The following TNFRSF10D variants were observed in gnomAD, a reference collection of about 807,000 sequenced individuals.
The protein encoded by TNFRSF10D is TNF receptor superfamily member 10d, also known as tumor necrosis factor receptor superfamily member 10D.
A neutral mutation model predicts 42.1 loss-of-function variants in TNFRSF10D; 28 were observed. That is an observed-to-expected ratio of 0.66 (90% confidence interval 0.49 to 0.91). The LOEUF (loss-of-function observed/expected upper bound fraction) is 0.91. TNFRSF10D is among the 40% of genes least tolerant of loss of function. The pLI is 0.00. For synonymous variants in TNFRSF10D, 186 were observed against 189.4 expected (o/e 0.98, Z 0.15); for missense variants, 503 against 486.1 (o/e 1.03, Z -0.33).
intron 2 of TNFRSF10D, among the ~76,000 whole-genome samples, chr8:23,149,756 C>A (rs1372713288): frequency 5.6e-3 from 851 of 151,958 alleles, no homozygotes; most frequent in African/African-American, 0.017. Context: ...CTCTGCACAA[C>A]TATCCCTGTC....
At chr8:23,153,843 T>C (rs1800239025) in intron 2 of TNFRSF10D, among the ~76,000 whole-genome samples, 1 of 152,156 alleles carries the variant, frequency 6.6e-6, no homozygotes, top group Non-Finnish European at 1.5e-5. Context: ...ATAGAATAAC[T>C]ATATGATCCA....
chr8:23,158,655 T>C (rs1800314028), intron 1 of TNFRSF10D, among the ~76,000 whole-genome samples: 1 of 152,260 alleles, frequency 6.6e-6, no homozygotes, highest in Admixed American at 6.5e-5. Context: ...CTGCACATTT[T>C]AATGTTAATT....
chr8:23,146,819 C>T (rs1011445170), intron 4 of TNFRSF10D, 142 bp downstream of exon 4: 9 of 680,596 alleles, frequency 1.3e-5, no homozygotes, highest in South Asian at 7.1e-5. Context: ...GAGGGGCCAA[C>T]GCAGGCTCAG....
In TNFRSF10D at chr8:23,150,862, A is replaced by C. The variant is rs567553161; in HGVS notation, c.257-2311T>G. Among the ~76,000 whole-genome samples, 25 of 152,176 alleles carry C rather than the reference A, an allele frequency of 1.6e-4. No homozygotes were observed. The South Asian group carries it at 5.2e-3, about 32-fold the overall frequency. ...TCATTTGAAATTACCAAGTCACAGG[A>C]AGAAAAAAAAAATAAAGAATGAAAA... On this transcript the variant is annotated intron_variant, in intron 2 of 8. Coordinates refer to ENST00000312584, the MANE Select transcript of TNFRSF10D (RefSeq NM_003840.5).
intron 3 of TNFRSF10D, 64 bp downstream of exon 3, chr8:23,148,374 G>T: frequency 7.6e-7 from 1 of 1,323,376 alleles, no homozygotes; most frequent in Non-Finnish European, 1.1e-6. Flanking sequence ...ACTCACATCG[G>T]CTACAGCTCC....
intron 1 of TNFRSF10D, among the ~76,000 whole-genome samples, chr8:23,161,488 C>G (rs1349175809): frequency 6.6e-6 from 1 of 152,214 alleles, no homozygotes; most frequent in Non-Finnish European, 1.5e-5. Context: ...AGATGGAGAC[C>G]TTATCTCCAT....
rs765044142 is a variant in TNFRSF10D at position 23,147,044 on chromosome 8, C to A, written c.399G>T (p.Thr133=). 1.2e-6 allele frequency: 2 copies of A among 1,613,708 alleles called. No individual in the cohort carries two copies. The highest frequency in any genetic ancestry group is 2.7e-5 in the African/African-American group (2 of 74,696). The change falls in exon 4 of 9, where the codon ACG becomes ACT. Residue 133 remains threonine (T), a synonymous_variant. Transcript: ENST00000312584. ...SGQTNKSSCT[T]TRDTVCQCEK... ...CACACTGACACACGGTGTCTCTGGT[C>A]GTGGTACAGGAACTTTTATTTGTTT...
At position 23,136,096 on chromosome 8, in the gene TNFRSF10D, C is replaced by G; in HGVS notation, c.*1774G>C. ...TGTCCCAGCCAAACCAGTCCCGGAA[C>G]AAAACACACAATGCCTTGAGATGGA... On this transcript the variant is annotated 3_prime_UTR_variant, in exon 9 of 9. Coordinates refer to ENST00000312584, the MANE Select transcript of TNFRSF10D (RefSeq NM_003840.5). 1 of 348,940 alleles carries G rather than the reference C, an allele frequency of 2.9e-6. No individual in the cohort carries two copies. The highest frequency in any genetic ancestry group is 5.7e-6 in the Non-Finnish European group (1 of 176,248). The allele number at this position is 348,940 out of a possible 1,614,324, so 21.6% of individuals were successfully genotyped here.
chr8:23,142,977 T>C (rs1800053515), intron 7 of TNFRSF10D, among the ~76,000 whole-genome samples: 1 of 150,108 alleles, frequency 6.7e-6, no homozygotes, highest in Non-Finnish European at 1.5e-5. Context: ...GTTTTTTTTT[T>C]GTTTTTGTTT....
At chr8:23,163,134 T>A (rs1221245083) in intron 1 of TNFRSF10D, among the ~76,000 whole-genome samples, 1 of 130,850 alleles carries the variant, frequency 7.6e-6, no homozygotes, top group East Asian at 2.7e-4. Flanking sequence ...AGTCTCGCTC[T>A]TGTTGACCAG....
At chr8:23,149,409 T>C (rs1246723583) in intron 2 of TNFRSF10D, among the ~76,000 whole-genome samples, 2 of 151,360 alleles carry the variant, frequency 1.3e-5, no homozygotes, top group Non-Finnish European at 2.9e-5. Flanking sequence ...AGCTAATTTT[T>C]TGTATTCTTA....
intron 1 of TNFRSF10D, 22 bp downstream of exon 1, chr8:23,163,764 A>G (rs1208684253): frequency 1.2e-6 from 2 of 1,605,900 alleles, no homozygotes; most frequent in Non-Finnish European, 1.7e-6. Flanking sequence ...TTCCCCAGCC[A>G]GGGACCGCGG....
Position 23,144,559 on chromosome 8 carries a change from T to C in TNFRSF10D, c.845A>G (p.Asn282Ser). 1 of 1,614,198 alleles carries C rather than the reference T, an allele frequency of 6.2e-7. No individual in the cohort carries two copies. The highest frequency in any genetic ancestry group is 1.1e-5 in the South Asian group (1 of 91,088). The change falls in exon 7 of 9, where the codon AAC (asparagine) becomes AGC (serine). Residue 282 changes from asparagine to serine, a missense_variant. Physicochemically the swap from Asn to Ser is conservative, Grantham distance 46. Coordinates refer to ENST00000312584, the MANE Select transcript of TNFRSF10D (RefSeq NM_003840.5). ...GACCTGGGTGGGCTGCAAGTATCTG[T>C]TACTCAGGGTCTCGTTGCGGGCATT... ...EDNARNETLS[N>S]RYLQPTQVSE...
rs150861587 is a variant in TNFRSF10D at position 23,145,716 on chromosome 8, A to T, written c.688T>A (p.Phe230Ile). 2,576 of 1,613,676 alleles carry T rather than the reference A, an allele frequency of 1.6e-3. No individual in the cohort carries two copies. In the African/African-American group the frequency reaches 0.019, roughly 12 times the overall value. Residue 230 changes from phenylalanine to isoleucine, a missense_variant, in exon 5 of 9, where the codon TTT becomes ATT. Transcript: ENST00000312584. ...VIILAVVVVG[F>I]SCRKKFISYL... ...GAAATGAATTTCTTCCGACATGAAAAGCCAACCACAACCACAGCTAAAATG... is the reference window on the plus strand; with the variant it reads ...GAAATGAATTTCTTCCGACATGAAATGCCAACCACAACCACAGCTAAAATG...
intron 1 of TNFRSF10D, among the ~76,000 whole-genome samples, chr8:23,156,026 G>C (rs551717722): frequency 3.9e-5 from 6 of 152,136 alleles, no homozygotes; most frequent in Non-Finnish European, 7.3e-5. Flanking sequence ...CAGGGATTAT[G>C]GCCATGATCT....
chr8:23,147,307 T>A (rs1449468734), intron 3 of TNFRSF10D, among the ~76,000 whole-genome samples: 1 of 152,160 alleles, frequency 6.6e-6, no homozygotes, highest in Non-Finnish European at 1.5e-5. Context: ...AAAAGCATTG[T>A]TTAGATGGCA....
intron 1 of TNFRSF10D, among the ~76,000 whole-genome samples, chr8:23,157,592 T>C (rs1800299099): frequency 1.3e-5 from 2 of 152,204 alleles, no homozygotes; most frequent in South Asian, 4.1e-4. Flanking sequence ...CGCTTGCCAC[T>C]TTACCGGGGT....
At chr8:23,139,599 C>A (rs1786191717) in intron 7 of TNFRSF10D, among the ~76,000 whole-genome samples, 1 of 152,168 alleles carries the variant, frequency 6.6e-6, no homozygotes, top group African/African-American at 2.4e-5. Flanking sequence ...AAGCTGGAAG[C>A]ATTCCCCTTG....
At chr8:23,139,325 A>C (rs1047096826) in intron 7 of TNFRSF10D, among the ~76,000 whole-genome samples, 3 of 152,192 alleles carry the variant, frequency 2.0e-5, no homozygotes, top group African/African-American at 4.8e-5. Context: ...AATATTAATA[A>C]AATATTCAGT....
Sources: allele counts gnomAD v4.1 joint callset (sites outside exome capture counted in the v4.1 genomes callset), GRCh38; gene constraint gnomAD v4.1.1; transcripts MANE v1.5; gene names NCBI Gene and HGNC (gene_info 2026-07-23, HGNC 2026-07-21).